The following CYB5R4 variants were observed in gnomAD, a reference collection of about 807,000 sequenced individuals.
CYB5R4 encodes N-terminal cytochrome b5 and cytochrome b5 oxidoreductase domain-containing protein.
In CYB5R4, 55 loss-of-function variants were observed where a neutral mutation model predicts 70.2. The ratio of observed to expected loss-of-function variants is 0.78; its 90% confidence interval spans 0.63 to 0.98. The LOEUF is 0.98. Ranked by LOEUF, CYB5R4 falls within the 50% of genes least tolerant of loss-of-function variation. CYB5R4 has a pLI of 0.00. For missense variants in CYB5R4, 562 were observed against 612.6 expected (o/e 0.92, Z 0.87); for synonymous variants, 197 against 199.5 (o/e 0.99, Z 0.11).
At chr6:83,864,443 C>A in intron 2 of CYB5R4, 115 bp downstream of exon 2, 1 of 876,300 alleles carries the variant, frequency 1.1e-6, no homozygotes, top group Non-Finnish European at 1.7e-6. Flanking sequence ...CAAAAATATG[C>A]CTTGTGCTTG....
At chr6:83,883,407 G>A (rs567019738) in intron 2 of CYB5R4, among the ~76,000 whole-genome samples, 45 of 151,842 alleles carry the variant, frequency 3.0e-4, no homozygotes, top group African/African-American at 1.0e-3. Flanking sequence ...TTAATACAAA[G>A]AAAATAACAT....
chr6:83,918,562 C>A (rs1391724569), intron 6 of CYB5R4, among the ~76,000 whole-genome samples: 1 of 151,966 alleles, frequency 6.6e-6, no homozygotes, highest in Non-Finnish European at 1.5e-5. Context: ...TGCATTCCAT[C>A]ATATGACCAT....
At chr6:83,863,944 C>T (rs537300511) in intron 1 of CYB5R4, among the ~76,000 whole-genome samples, 10 of 152,098 alleles carry the variant, frequency 6.6e-5, no homozygotes, top group African/African-American at 1.7e-4. Context: ...TAGGACCAGT[C>T]CCCCAGGAAT....
intron 10 of CYB5R4, among the ~76,000 whole-genome samples, chr6:83,928,715 A>G (rs1248544858): frequency 6.6e-6 from 1 of 152,216 alleles, no homozygotes; most frequent in African/African-American, 2.4e-5. Flanking sequence ...AGATCAGAAA[A>G]CAATAGAAAA....
chr6:83,938,868 G>T (rs564569406), intron 12 of CYB5R4, among the ~76,000 whole-genome samples: 15 of 149,398 alleles, frequency 1.0e-4, no homozygotes, highest in Non-Finnish European at 1.5e-4. Flanking sequence ...TTTTGCTCTT[G>T]TTGCCCAGGC....
intron 10 of CYB5R4, among the ~76,000 whole-genome samples, chr6:83,927,332 A>G (rs2099467456): frequency 6.6e-6 from 1 of 152,152 alleles, no homozygotes; most frequent in Non-Finnish European, 1.5e-5. Context: ...TGTCTATCCT[A>G]CAATTTAACT....
At chr6:83,925,761 G>T (rs1205334799) in intron 10 of CYB5R4, among the ~76,000 whole-genome samples, 1 of 152,010 alleles carries the variant, frequency 6.6e-6, no homozygotes, top group Non-Finnish European at 1.5e-5. Context: ...TCTCCCCATG[G>T]TCTGTTTTAC....
At chr6:83,891,672 G>A (rs2099461141) in intron 2 of CYB5R4, among the ~76,000 whole-genome samples, 1 of 152,144 alleles carries the variant, frequency 6.6e-6, no homozygotes, top group Admixed American at 6.6e-5. Context: ...GACATTCCTA[G>A]TTTTTTTCGT....
intron 2 of CYB5R4, among the ~76,000 whole-genome samples, chr6:83,883,967 C>T (rs762414041): frequency 1.6e-4 from 24 of 151,498 alleles, no homozygotes; most frequent in South Asian, 1.5e-3. Context: ...AAGAGGAAGG[C>T]CAAAAAGCCA....
In CYB5R4 at chr6:83,859,712, A is replaced by C; in HGVS notation, c.-71A>C. The C allele has an allele frequency of 1.3e-6, 2 of 1,550,582 alleles. No homozygotes were observed. Among genetic ancestry groups the C allele is most frequent in the East Asian group, 2.3e-5 (1 of 43,806 alleles). ...GGGGGCTTGGCCTCTGCCCGGCCAC[A>C]GAGCCGGAGCTGGAGGTGCTGTCCC... On this transcript the variant is annotated 5_prime_UTR_variant, in exon 1 of 16. Transcript: ENST00000369681.
At chr6:83,875,810 A>T (rs2099458449) in intron 2 of CYB5R4, among the ~76,000 whole-genome samples, 1 of 152,178 alleles carries the variant, frequency 6.6e-6, no homozygotes, top group Non-Finnish European at 1.5e-5. Context: ...AAAATTAGGA[A>T]TGCCTTTGTT....
chr6:83,883,753 C>T lies in CYB5R4; in HGVS notation c.230-9769C>T, dbSNP rs117828405. On this transcript the variant is annotated intron_variant, in intron 2 of 15. Transcript: ENST00000369681. ...AAGAGAAAATACTACTTTTTGTCCT[C>T]TTCATTTTATAAAAATACATATAAA... Among the ~76,000 whole-genome samples the T allele has an allele frequency of 5.2e-3, 792 of 152,108 alleles. 24 individuals carry two copies. Among genetic ancestry groups the T allele is most frequent in the Admixed American group, 0.036 (551 of 15,280 alleles).
chr6:83,956,773 G>A (rs568064454), intron 15 of CYB5R4, among the ~76,000 whole-genome samples: 2 of 151,902 alleles, frequency 1.3e-5, no homozygotes, highest in Admixed American at 1.3e-4. Flanking sequence ...TCCTTGTCTC[G>A]TAATGTTATG....
At chr6:83,878,676 C>G (rs2099458969) in intron 2 of CYB5R4, among the ~76,000 whole-genome samples, 1 of 152,058 alleles carries the variant, frequency 6.6e-6, no homozygotes, top group South Asian at 2.1e-4. Context: ...GAATGTCACA[C>G]ATTACATATA....
intron 2 of CYB5R4, among the ~76,000 whole-genome samples, chr6:83,864,993 C>G (rs1205441494): frequency 3.9e-5 from 6 of 151,998 alleles, no homozygotes; most frequent in African/African-American, 1.5e-4. Flanking sequence ...CCATGAGGCT[C>G]CATGCATGGT....
At chr6:83,879,084 TAGAC>T (rs1458586538) in intron 2 of CYB5R4, among the ~76,000 whole-genome samples, 1 of 152,042 alleles carries the variant, frequency 6.6e-6, no homozygotes, top group Admixed American at 6.6e-5. Context: ...GCCTCAGTCT[TAGAC>T]AGGTTTTATG....
chr6:83,907,188 A>G (rs1166026424), intron 3 of CYB5R4, among the ~76,000 whole-genome samples: 1 of 151,954 alleles, frequency 6.6e-6, no homozygotes, highest in African/African-American at 2.4e-5. Flanking sequence ...TGATCCTCTC[A>G]CCTCAGCCTC....
chr6:83,955,544 G>A, intron 15 of CYB5R4, 82 bp downstream of exon 15: 1 of 1,304,906 alleles, frequency 7.7e-7, no homozygotes, highest in Non-Finnish European at 1.1e-6. Context: ...AGTTCTTCCT[G>A]TTTATATGAA....
chr6:83,894,051 T>G (rs1358574963), intron 3 of CYB5R4, among the ~76,000 whole-genome samples: 2 of 152,238 alleles, frequency 1.3e-5, no homozygotes, highest in Non-Finnish European at 2.9e-5. Context: ...TTCAGCCTAC[T>G]GCTATATACT....
Sources: gnomAD v4.1 joint callset for allele counts (sites outside exome capture counted in the v4.1 genomes callset) on GRCh38, gnomAD v4.1.1 for gene constraint, MANE v1.5 for transcripts, NCBI Gene and HGNC (gene_info 2026-07-23, HGNC 2026-07-21) for gene names.